ADAMTS12: variants seen among roughly 807,000 people sequenced by gnomAD.
ADAMTS12 encodes the protein ADAM metallopeptidase with thrombospondin type 1 motif 12.
ADAMTS12 carries 118 observed loss-of-function variants against 167.8 expected under a neutral mutation model. The observed-to-expected ratio is 0.70, with a 90% CI of 0.61 to 0.82. The LOEUF (loss-of-function observed/expected upper bound fraction) is 0.82, where lower values mean the gene tolerates loss of function less well. Among genes scored for constraint, ADAMTS12 ranks in the 40% least tolerant of loss-of-function variants. The probability of loss-of-function intolerance (pLI) is 0.00; values close to 1 mark genes in which losing one functional copy is unlikely to be tolerated. For missense variants in ADAMTS12, 1,916 were observed against 1,998.8 expected (o/e 0.96, Z 0.79); for synonymous variants, 704 against 716.9 (o/e 0.98, Z 0.29).
In ADAMTS12 at chr5:33,527,239, G is replaced by A; in HGVS notation, c.4734C>T (p.His1578=). 1 of 1,614,102 alleles carries A rather than the reference G, an allele frequency of 6.2e-7. No individual in the cohort carries two copies. The highest frequency in any genetic ancestry group is 1.3e-5 in the African/African-American group (1 of 75,020). The change falls in exon 24 of 24, where the codon CAC becomes CAT. Residue 1578 remains histidine (H), a synonymous_variant. Transcript: ENST00000504830. ...CFSCPQTHIT[H]TQRQRRQRLL... ...ACCGTTGCCTTCTTTGCCTTTGGGT[G>A]TGTGTGATGTGTGTCTGGGGACACG...
At chr5:33,817,445 C>T (rs1263817959) in intron 2 of ADAMTS12, among the ~76,000 whole-genome samples, 3 of 152,140 alleles carry the variant, frequency 2.0e-5, no homozygotes, top group African/African-American at 7.2e-5. Context: ...AAGTTCCTGC[C>T]TTTTCCATTA....
intron 22 of ADAMTS12, among the ~76,000 whole-genome samples, chr5:33,535,583 G>T (rs1744356952): frequency 6.6e-6 from 1 of 152,156 alleles, no homozygotes; most frequent in Admixed American, 6.5e-5. Context: ...TGCCCATGGG[G>T]TTCACACCCT....
At chr5:33,540,203 T>G (rs764370883) in intron 22 of ADAMTS12, among the ~76,000 whole-genome samples, 1 of 152,254 alleles carries the variant, frequency 6.6e-6, no homozygotes, top group Non-Finnish European at 1.5e-5. Flanking sequence ...CCTTGCTCAT[T>G]GCTAGCGCAG....
chr5:33,530,225 C>T (rs908478368), intron 23 of ADAMTS12, among the ~76,000 whole-genome samples: 1 of 152,096 alleles, frequency 6.6e-6, no homozygotes, highest in Admixed American at 6.5e-5. Flanking sequence ...TGTGCCTGGC[C>T]TTGTTTTTCT....
At chr5:33,791,984 G>A (rs67558897) in intron 2 of ADAMTS12, among the ~76,000 whole-genome samples, 8,953 of 145,874 alleles carry the variant, frequency 0.061, 383 homozygotes, top group Non-Finnish European at 0.09. Context: ...TAGCTTAAAC[G>A]TGCTTTCACA....
At chr5:33,849,721 A>G (rs147928694) in intron 2 of ADAMTS12, among the ~76,000 whole-genome samples, 4,346 of 133,220 alleles carry the variant, frequency 0.033, 386 homozygotes, top group African/African-American at 0.13. Flanking sequence ...AGCAATATAT[A>G]GTATCTATAT....
Position 33,706,687 on chromosome 5 carries a change from G to A in ADAMTS12, c.635-22632C>T, listed in dbSNP as rs140313968. On this transcript the variant is annotated intron_variant, in intron 3 of 23. Transcript: ENST00000504830. Reference sequence around the variant, plus strand: ...AATATTGTTATGTGTGAATTTGATCGTGTCATTATGATGCTAGCTGGTTTA... The same window carrying A: ...AATATTGTTATGTGTGAATTTGATCATGTCATTATGATGCTAGCTGGTTTA... 2.5e-3 allele frequency among the ~76,000 whole-genome samples: 386 copies of A among 152,038 alleles called. 2 individuals are homozygous for A. Among genetic ancestry groups the A allele is most frequent in the African/African-American group, 7.1e-3 (296 of 41,504 alleles).
intron 2 of ADAMTS12, among the ~76,000 whole-genome samples, chr5:33,761,548 G>A (rs998904490): frequency 2.0e-5 from 3 of 152,194 alleles, no homozygotes; most frequent in African/African-American, 7.2e-5. Flanking sequence ...TGAGATGTTA[G>A]AGACATAAAT....
At chr5:33,570,935 G>A (rs1450714117) in intron 19 of ADAMTS12, among the ~76,000 whole-genome samples, 1 of 151,188 alleles carries the variant, frequency 6.6e-6, no homozygotes, top group Admixed American at 6.6e-5. Flanking sequence ...AAAAAGGCAG[G>A]GGTTGCAATC....
chr5:33,821,601 G>C (rs376032405), intron 2 of ADAMTS12, among the ~76,000 whole-genome samples: 1 of 152,086 alleles, frequency 6.6e-6, no homozygotes, highest in South Asian at 2.1e-4. Flanking sequence ...CCAGCAGTAC[G>C]TGACTGAGGC....
At chr5:33,689,640 G>GGA (rs1270866142) in intron 3 of ADAMTS12, among the ~76,000 whole-genome samples, 1 of 152,120 alleles carries the variant, frequency 6.6e-6, no homozygotes, top group African/African-American at 2.4e-5. Context: ...GTTGAGGGCT[G>GGA]GAGAGATGGT....
At chr5:33,847,852 A>G (rs1243837941) in intron 2 of ADAMTS12, among the ~76,000 whole-genome samples, 1 of 152,076 alleles carries the variant, frequency 6.6e-6, no homozygotes, top group Non-Finnish European at 1.5e-5. Flanking sequence ...GAGGTAGAAG[A>G]CTGTATTCAC....
intron 2 of ADAMTS12, among the ~76,000 whole-genome samples, chr5:33,879,173 T>A (rs1750337061): frequency 6.6e-6 from 1 of 152,184 alleles, no homozygotes; most frequent in African/African-American, 2.4e-5. Flanking sequence ...TATATGTGAA[T>A]TATATCTCAG....
chr5:33,588,262 T>C (rs1403641370), intron 18 of ADAMTS12, among the ~76,000 whole-genome samples: 1 of 152,122 alleles, frequency 6.6e-6, no homozygotes, highest in Admixed American at 6.5e-5. Flanking sequence ...TTTTGGGGTG[T>C]GTGGGAGGTC....
At chr5:33,677,432 G>A (rs908530733) in intron 5 of ADAMTS12, among the ~76,000 whole-genome samples, 25 of 152,274 alleles carry the variant, frequency 1.6e-4, no homozygotes, top group African/African-American at 5.3e-4. Flanking sequence ...TATATGGCTA[G>A]CAAGCAGTGG....
intron 2 of ADAMTS12, among the ~76,000 whole-genome samples, chr5:33,767,093 A>T (rs917536404): frequency 2.0e-5 from 3 of 152,226 alleles, no homozygotes; most frequent in African/African-American, 7.2e-5. Context: ...ACACAATGGG[A>T]TGTCATGCAG....
chr5:33,538,131 T>C (rs1744503709), intron 22 of ADAMTS12, among the ~76,000 whole-genome samples: 2 of 152,092 alleles, frequency 1.3e-5, no homozygotes, highest in Admixed American at 1.3e-4. Flanking sequence ...GACTGGGTAA[T>C]TTATTAAGAA....
intron 2 of ADAMTS12, among the ~76,000 whole-genome samples, chr5:33,786,853 C>T (rs1161486540): frequency 1.3e-5 from 2 of 151,792 alleles, no homozygotes; most frequent in Non-Finnish European, 2.9e-5. Flanking sequence ...AAGTACCTTC[C>T]CAATCCTAAT....
intron 2 of ADAMTS12, among the ~76,000 whole-genome samples, chr5:33,827,488 C>G (rs1293056845): frequency 6.6e-6 from 1 of 152,018 alleles, no homozygotes; most frequent in African/African-American, 2.4e-5. Context: ...GATTTCTGGC[C>G]TACGGAATTG....
Sources: gnomAD v4.1 joint callset for allele counts (sites outside exome capture counted in the v4.1 genomes callset) on GRCh38, gnomAD v4.1.1 for gene constraint, MANE v1.5 for transcripts, NCBI Gene and HGNC (gene_info 2026-07-23, HGNC 2026-07-21) for gene names.